Variants in MYO1D observed in about 807,000 individuals in gnomAD.
The protein encoded by MYO1D is unconventional myosin-Id.
In MYO1D, 83 loss-of-function variants were observed where a neutral mutation model predicts 122.0. The ratio of observed to expected loss-of-function variants is 0.68; its 90% CI spans 0.57 to 0.82. The LOEUF (loss-of-function observed/expected upper bound fraction) is 0.82, where lower values mean the gene tolerates loss of function less well. MYO1D is among the 40% of genes least tolerant of loss of function. The pLI is 0.00. For synonymous variants in MYO1D, 464 were observed against 446.9 expected, an observed-to-expected ratio of 1.04 and a Z score of -0.48; for missense variants, 1,157 against 1,269.5, an observed-to-expected ratio of 0.91 and a Z score of 1.35.
chr17:32,775,331 T>C (rs2090161599), intron 4 of MYO1D, among the ~76,000 whole-genome samples: 1 of 151,908 alleles, frequency 6.6e-6, no homozygotes, highest in Admixed American at 6.6e-5. Flanking sequence ...AGACACAACC[T>C]CTCTGGTGGT....
At chr17:32,849,486 TA>T (rs1336371015) in intron 1 of MYO1D, among the ~76,000 whole-genome samples, 14 of 150,616 alleles carry the variant, frequency 9.3e-5, no homozygotes, top group African/African-American at 2.2e-4. Flanking sequence ...TATGCAGCCA[TA>T]AAAAAGGATG....
intron 21 of MYO1D, among the ~76,000 whole-genome samples, chr17:32,570,543 G>C (rs1270468077): frequency 6.6e-6 from 1 of 151,996 alleles, no homozygotes; most frequent in Non-Finnish European, 1.5e-5. Context: ...TAGTAGAGAC[G>C]GGGTTTCACT....
rs76348632 is a variant in MYO1D, at chr17:32,730,724, T to C, written c.1746+7529A>G. Among the ~76,000 whole-genome samples, 1,133 of 152,304 alleles carry C rather than the reference T, an allele frequency of 7.4e-3. 20 individuals carry two copies. Among genetic ancestry groups the C allele is most frequent in the African/African-American group, 0.026 (1,082 of 41,582 alleles). ...ATGTTCTAGGATTTTACTAGGTGTC[T>C]ATATGCAGATTTCTTTTAATTTTTC... On this transcript the variant is annotated intron_variant, in intron 14 of 21. Coordinates refer to ENST00000318217, the MANE Select transcript of MYO1D (RefSeq NM_015194.3).
chr17:32,741,526 G>T (rs1300512607), intron 13 of MYO1D, among the ~76,000 whole-genome samples: 1 of 152,016 alleles, frequency 6.6e-6, no homozygotes, highest in African/African-American at 2.4e-5. Context: ...ATTCATCTTA[G>T]CCTGATGCCT....
chr17:32,721,337 T>C (rs1226199763), intron 14 of MYO1D, 148 bp from the exon 15 acceptor site: 13 of 758,110 alleles, frequency 1.7e-5, no homozygotes, highest in Non-Finnish European at 2.7e-5. Flanking sequence ...GTAGTTATTC[T>C]TCCTTTCTCC....
At chr17:32,625,494 A>G (rs550862149) in intron 20 of MYO1D, among the ~76,000 whole-genome samples, 12 of 152,298 alleles carry the variant, frequency 7.9e-5, no homozygotes, top group Admixed American at 5.2e-4. Flanking sequence ...TCATTTAAGA[A>G]ACACCTGGCA....
chr17:32,630,756 G>C (rs2087994124), intron 20 of MYO1D, among the ~76,000 whole-genome samples: 1 of 152,018 alleles, frequency 6.6e-6, no homozygotes, highest in Non-Finnish European at 1.5e-5. Context: ...TGTATTTTTA[G>C]TAAAGATGGG....
intron 2 of MYO1D, among the ~76,000 whole-genome samples, chr17:32,779,083 A>G (rs2090209332): frequency 6.6e-6 from 1 of 152,198 alleles, no homozygotes; most frequent in Non-Finnish European, 1.5e-5. Context: ...GTATCATAGA[A>G]AAAGCATGAC....
chr17:32,522,942 G>A (rs1419297502), intron 21 of MYO1D, among the ~76,000 whole-genome samples: 1 of 151,752 alleles, frequency 6.6e-6, no homozygotes, highest in African/African-American at 2.4e-5. Context: ...TCAGCCTCCC[G>A]AGTAGCTGGG....
intron 1 of MYO1D, among the ~76,000 whole-genome samples, chr17:32,855,412 A>C (rs1272255490): frequency 6.6e-6 from 1 of 152,116 alleles, no homozygotes; most frequent in Non-Finnish European, 1.5e-5. Context: ...ATTCTATATA[A>C]ATGAAAGCAT....
intron 21 of MYO1D, among the ~76,000 whole-genome samples, chr17:32,564,413 C>T (rs948185862): frequency 7.2e-5 from 11 of 152,170 alleles, no homozygotes; most frequent in Admixed American, 1.3e-4. Context: ...CTTTCTAAGC[C>T]GACACCCTCT....
intron 21 of MYO1D, among the ~76,000 whole-genome samples, chr17:32,577,896 G>A (rs908589005): frequency 2.0e-5 from 3 of 152,026 alleles, no homozygotes; most frequent in African/African-American, 4.8e-5. Flanking sequence ...CCGCCACCAC[G>A]CCTGGCTAAT....
chr17:32,708,308 C>A (rs74673047), intron 16 of MYO1D, among the ~76,000 whole-genome samples: 4,321 of 152,116 alleles, frequency 0.028, 200 homozygotes, highest in African/African-American at 0.099. Flanking sequence ...AAAAGGATGG[C>A]CACCACAATG....
At chr17:32,814,593 G>T (rs1334980452) in intron 1 of MYO1D, among the ~76,000 whole-genome samples, 1 of 152,156 alleles carries the variant, frequency 6.6e-6, no homozygotes, top group Non-Finnish European at 1.5e-5. Flanking sequence ...GCAAGAGAAA[G>T]AATTAGCAGA....
rs983139678 is a variant in MYO1D, at chr17:32,552,352, C to T, written c.2864+52735G>A. On this transcript the variant is annotated intron_variant, in intron 21 of 21. Transcript: ENST00000318217. Reference sequence around the variant, plus strand: ...TGGGCCTCCCACAGTGCTGGTATTACAGGCATGAGCCACAGCCTGGCCTGC... The same window carrying T: ...TGGGCCTCCCACAGTGCTGGTATTATAGGCATGAGCCACAGCCTGGCCTGC... Among the ~76,000 whole-genome samples, 9 of 151,944 alleles carry T rather than the reference C, an allele frequency of 5.9e-5. No individual in the cohort carries two copies. In the South Asian group the frequency reaches 6.2e-4, roughly 10 times the overall value.
intron 20 of MYO1D, among the ~76,000 whole-genome samples, chr17:32,614,072 A>ATTTT (rs527897976): frequency 7.9e-6 from 1 of 126,622 alleles, no homozygotes; most frequent in African/African-American, 3.0e-5. Context: ...TAATGTTTTA[A>ATTTT]TTTTTTTTTT....
intron 21 of MYO1D, among the ~76,000 whole-genome samples, chr17:32,549,931 A>G (rs1412148282): frequency 6.6e-6 from 1 of 152,234 alleles, no homozygotes; most frequent in Non-Finnish European, 1.5e-5. Flanking sequence ...AGTATTATCC[A>G]TCACAAAAAG....
Position 32,748,998 on chromosome 17 carries a change from G to T in MYO1D, c.1476C>A (p.Ala492=). 6.2e-7 allele frequency: 1 copy of T among 1,612,846 alleles called. No homozygotes were observed. The highest frequency in any genetic ancestry group is 8.5e-7 in the Non-Finnish European group (1 of 1,178,952). The change falls in exon 12 of 22, where the codon GCC becomes GCA. Residue 492 remains alanine (A), a synonymous_variant. Transcript: ENST00000318217. The part of the protein sequence containing the change: ...HAHFSSRKLC[A]SDKILEFDRD... ...GATCAAACTCCAGAATTTTGTCTGA[G>T]GCACAGAGCTAAGGAATCAAGAAGG...
chr17:32,853,283 T>C lies in MYO1D; in HGVS notation c.95+23495A>G, dbSNP rs569058621. Among the ~76,000 whole-genome samples the C allele has an allele frequency of 2.0e-5, 3 of 152,370 alleles. No homozygotes were observed. The South Asian group carries it at 6.2e-4, about 32-fold the overall frequency. On this transcript the variant is annotated intron_variant, in intron 1 of 21. Transcript: ENST00000318217. ...ACTTCCAGCTTCAGTCATGTGATTATATATCTCCTTCATTAACACCACAGT... is the reference window on the plus strand; with the variant it reads ...ACTTCCAGCTTCAGTCATGTGATTACATATCTCCTTCATTAACACCACAGT...
Sources: allele counts gnomAD v4.1 joint callset (sites outside exome capture counted in the v4.1 genomes callset), GRCh38; gene constraint gnomAD v4.1.1; transcripts MANE v1.5; gene names NCBI Gene and HGNC (gene_info 2026-07-23, HGNC 2026-07-21).